The following ANKRD33B variants were observed in gnomAD, a reference collection of about 807,000 sequenced individuals.
The protein encoded by ANKRD33B is ankyrin repeat domain-containing protein 33B.
Under a neutral mutation model 21.5 loss-of-function variants are expected in ANKRD33B, and 6 were observed. The observed-to-expected ratio is 0.28, with a 90% CI of 0.15 to 0.55. The LOEUF is 0.55. Ranked by LOEUF, ANKRD33B falls within the 20% of genes least tolerant of loss-of-function variation. The pLI, the probability that ANKRD33B is intolerant of heterozygous loss-of-function variation, is 0.94. For synonymous variants in ANKRD33B, 347 were observed against 342.4 expected (o/e 1.01, Z -0.15); for missense variants, 698 against 747.2 (o/e 0.93, Z 0.77).
chr5:10,604,510 GAAAAAAAA>G (rs555653693), intron 1 of ANKRD33B, among the ~76,000 whole-genome samples: 1 of 101,958 alleles, frequency 9.8e-6, no homozygotes, highest in Non-Finnish European at 2.1e-5. Flanking sequence ...GAACCTTTTT[GAAAAAAAA>G]AAAAAAGAAA....
intron 1 of ANKRD33B, among the ~76,000 whole-genome samples, chr5:10,608,103 C>T (rs908353351): frequency 2.5e-4 from 38 of 151,032 alleles, no homozygotes; most frequent in African/African-American, 8.8e-4. Flanking sequence ...ATTCCTAGGA[C>T]TTTGGGAGGC....
intron 1 of ANKRD33B, among the ~76,000 whole-genome samples, chr5:10,567,330 A>C (rs901907591): frequency 3.3e-5 from 5 of 152,240 alleles, no homozygotes; most frequent in African/African-American, 1.2e-4. Context: ...GGAGTGAGTC[A>C]TTGCCAAAGT....
At chr5:10,647,156 G>C (rs1428637412) in intron 3 of ANKRD33B, among the ~76,000 whole-genome samples, 1 of 151,848 alleles carries the variant, frequency 6.6e-6, no homozygotes, top group Non-Finnish European at 1.5e-5. Context: ...TCAGGCTGGA[G>C]TGCGGTGGTG....
At chr5:10,634,717 A>G (rs918800297) in intron 2 of ANKRD33B, among the ~76,000 whole-genome samples, 2 of 151,276 alleles carry the variant, frequency 1.3e-5, no homozygotes, top group Admixed American at 6.6e-5. Flanking sequence ...TGGCCTCCCA[A>G]AGTGCTGGGA....
At chr5:10,592,639 A>C (rs1735722261) in intron 1 of ANKRD33B, among the ~76,000 whole-genome samples, 1 of 134,762 alleles carries the variant, frequency 7.4e-6, no homozygotes, top group East Asian at 2.3e-4. Flanking sequence ...AAAAAAAAAG[A>C]AGAAGAAAAA....
At chr5:10,636,207 TAG>T (rs1736859531) in intron 2 of ANKRD33B, among the ~76,000 whole-genome samples, 1 of 152,090 alleles carries the variant, frequency 6.6e-6, no homozygotes, top group Non-Finnish European at 1.5e-5. Flanking sequence ...AGAGAGTGCA[TAG>T]AAATGTCCAC....
rs1408567479 is a variant in ANKRD33B, at chr5:10,657,642, A to G, written c.*7529A>G. The G allele has an allele frequency of 6.6e-6, 1 of 152,330 alleles. No individual in the cohort carries two copies. The highest frequency in any genetic ancestry group is 6.5e-5 in the Admixed American group (1 of 15,290). 9.4% of individuals were successfully genotyped at this position (152,330 alleles called of 1,614,324 possible). On this transcript the variant is annotated 3_prime_UTR_variant, in exon 4 of 4. Coordinates refer to ENST00000296657, the MANE Select transcript of ANKRD33B (RefSeq NM_001164440.2). ...AGCAGCTTCAATTTTTGATATTCAA[A>G]AAGTTAATAATCTTTAAGCTAAATA...
chr5:10,615,645 T>C (rs1736268515), intron 1 of ANKRD33B, among the ~76,000 whole-genome samples: 1 of 152,244 alleles, frequency 6.6e-6, no homozygotes, highest in Admixed American at 6.5e-5. Flanking sequence ...GTCTATAACT[T>C]TTTTTCTTCT....
Position 10,655,483 on chromosome 5 carries a change from A to C in ANKRD33B, c.*5370A>C, listed in dbSNP as rs116412340. On this transcript the variant is annotated 3_prime_UTR_variant, in exon 4 of 4. Transcript: ENST00000296657. ...GTGGGAAGGCTGTCCGTTCATCCTT[A>C]CCCTGGGGACTCAAGTGTGCTCTGC... The C allele has an allele frequency of 6.6e-6, 1 of 152,342 alleles. No individual in the cohort carries two copies. The highest frequency in any genetic ancestry group is 1.5e-5 in the Non-Finnish European group (1 of 68,058). 9.4% of individuals were successfully genotyped at this position (152,342 alleles called of 1,614,324 possible).
chr5:10,618,618 C>T (rs1414377854), intron 2 of ANKRD33B, among the ~76,000 whole-genome samples, 156 bp downstream of exon 2: 1 of 152,234 alleles, frequency 6.6e-6, no homozygotes, highest in African/African-American at 2.4e-5. Context: ...GCTGTGACCA[C>T]ACGCTATGCA....
intron 1 of ANKRD33B, among the ~76,000 whole-genome samples, chr5:10,584,946 T>TA (rs1735522784): frequency 2.0e-5 from 3 of 152,206 alleles, no homozygotes; most frequent in Non-Finnish European, 4.4e-5. Context: ...TCTTGCTGTT[T>TA]GGAGGTCTAG....
chr5:10,594,111 A>G (rs1356206514), intron 1 of ANKRD33B, among the ~76,000 whole-genome samples: 1 of 151,722 alleles, frequency 6.6e-6, no homozygotes, highest in East Asian at 1.9e-4. Flanking sequence ...CCTTATTTAA[A>G]GCTTTTTTTC....
chr5:10,572,152 G>A (rs986570390), intron 1 of ANKRD33B, among the ~76,000 whole-genome samples: 13 of 152,186 alleles, frequency 8.5e-5, no homozygotes, highest in African/African-American at 3.1e-4. Flanking sequence ...GCCTCCCAAA[G>A]TGTTGGGATT....
At chr5:10,602,815 A>AC (rs569922182) in intron 1 of ANKRD33B, among the ~76,000 whole-genome samples, 1 of 143,806 alleles carries the variant, frequency 7.0e-6, no homozygotes, top group East Asian at 2.0e-4. Context: ...ATTGCTTGTC[A>AC]TTTTTTTTTT....
rs1436392852 is a variant in ANKRD33B, at chr5:10,622,794, C to CTTTTTTTTTTTTTT, written c.496+4335_496+4336insTTTTTTTTTTTTTT. Reference sequence around the variant, plus strand: ...GATCCAGGGTTGTTTTTTGTTTTTGCTTTATTTTATTTTATTTTTTTTTTT... The same window carrying CTTTTTTTTTTTTTT: ...GATCCAGGGTTGTTTTTTGTTTTTGCTTTTTTTTTTTTTTTTTATTTTATTTTATTTTTTTTTTT... On this transcript the variant is annotated intron_variant, in intron 2 of 3. Transcript: ENST00000296657. Among the ~76,000 whole-genome samples the CTTTTTTTTTTTTTT allele has an allele frequency of 1.0e-4, 8 of 78,596 alleles. 1 individual carries two copies. Among genetic ancestry groups the CTTTTTTTTTTTTTT allele is most frequent in the Admixed American group, 1.0e-4 (1 of 9,716 alleles). 51.6% of individuals were successfully genotyped at this position (78,596 alleles called of 152,430 possible).
chr5:10,630,870 CAAAA>C (rs34531639), intron 2 of ANKRD33B, among the ~76,000 whole-genome samples: 11 of 119,100 alleles, frequency 9.2e-5, no homozygotes, highest in African/African-American at 2.7e-4. Context: ...GAGACTGTGT[CAAAA>C]AAAAAAAAAA....
chr5:10,572,721 C>T (rs952004997), intron 1 of ANKRD33B, among the ~76,000 whole-genome samples: 3 of 152,200 alleles, frequency 2.0e-5, no homozygotes, highest in African/African-American at 7.2e-5. Flanking sequence ...AAGTGTGCCA[C>T]TATGAATGCA....
At chr5:10,641,887 T>C (rs370543371) in intron 3 of ANKRD33B, among the ~76,000 whole-genome samples, 1 of 152,176 alleles carries the variant, frequency 6.6e-6, no homozygotes. Context: ...AAACGAGATA[T>C]CAGTTTCAAC....
chr5:10,629,764 C>T lies in ANKRD33B; in HGVS notation c.497-8264C>T, dbSNP rs1282388749. Among the ~76,000 whole-genome samples, 3 of 152,106 alleles carry T rather than the reference C, an allele frequency of 2.0e-5. No homozygotes were observed. The East Asian group carries it at 5.8e-4, about 29-fold the overall frequency. ...CATTTCAGGAAGGAGAGAACAGGAGCTCAGAATGTTGAGAGGGCGGAAAAT... is the reference window on the plus strand; with the variant it reads ...CATTTCAGGAAGGAGAGAACAGGAGTTCAGAATGTTGAGAGGGCGGAAAAT... On this transcript the variant is annotated intron_variant, in intron 2 of 3. Transcript: ENST00000296657.
Sources: allele counts gnomAD v4.1 joint callset (sites outside exome capture counted in the v4.1 genomes callset), GRCh38; gene constraint gnomAD v4.1.1; transcripts MANE v1.5; gene names NCBI Gene and HGNC (gene_info 2026-07-23, HGNC 2026-07-21).